Variants in MYOM2 observed in about 807,000 individuals in gnomAD.
MYOM2 encodes the protein myomesin 2.
MYOM2 carries 254 observed loss-of-function variants against 187.6 expected under a neutral mutation model. The observed-to-expected ratio is 1.35, with a 90% confidence interval of 1.22 to 1.50. The LOEUF is 1.50. Among genes scored for constraint, MYOM2 ranks in the 40% most tolerant of loss-of-function variants. The pLI, the probability that MYOM2 is intolerant of heterozygous loss-of-function variation, is 0.00. For synonymous variants in MYOM2, 981 were observed against 753.8 expected (o/e 1.30, Z -4.94); for missense variants, 2,796 against 1,924.0 (o/e 1.45, Z -8.48).
Position 2,094,104 on chromosome 8 carries a change from C to G in MYOM2, c.2125+13C>G. ...CAGGCCGCACTCAGTAAGTCACTCA[C>G]AGGCTGTTGTGTGCCGATTGCTCCC... On this transcript the variant is annotated intron_variant, in intron 17 of 36. Transcript: ENST00000262113. The G allele has an allele frequency of 6.2e-7, 1 of 1,613,944 alleles. No homozygotes were observed. Among genetic ancestry groups the G allele is most frequent in the Non-Finnish European group, 8.5e-7 (1 of 1,179,964 alleles).
At chr8:2,095,083 A>G (rs1328578215) in intron 17 of MYOM2, among the ~76,000 whole-genome samples, 1 of 152,154 alleles carries the variant, frequency 6.6e-6, no homozygotes, top group African/African-American at 2.4e-5. Context: ...CTTTGACTAA[A>G]TTTGCAACAT....
At chr8:2,069,587 T>G (rs540700594) in intron 8 of MYOM2, 90 bp downstream of exon 8, 1 of 458,122 alleles carries the variant, frequency 2.2e-6, no homozygotes, top group African/African-American at 2.1e-5. Flanking sequence ...GGGCCAAATC[T>G]TTTTTTTTTT....
At chr8:2,060,307 C>T (rs1422098075) in intron 6 of MYOM2, among the ~76,000 whole-genome samples, 1 of 152,092 alleles carries the variant, frequency 6.6e-6, no homozygotes, top group African/African-American at 2.4e-5. Context: ...CCATTAACGC[C>T]TCCTGAAAAC....
In MYOM2 at chr8:2,106,602, T is replaced by C. The variant is rs1326252973; in HGVS notation, c.2998+5T>C. 6.3e-7 allele frequency: 1 copy of C among 1,587,580 alleles called. No homozygotes were observed. The highest frequency in any genetic ancestry group is 2.3e-5 in the East Asian group (1 of 44,324). ...GTTTTGTTCTGGACCCAGAAGGTAATATTTATATGGCAGAACCTTGCCTGT... is the reference window on the plus strand; with the variant it reads ...GTTTTGTTCTGGACCCAGAAGGTAACATTTATATGGCAGAACCTTGCCTGT... On this transcript the variant is annotated splice_donor_5th_base_variant and intron_variant, in intron 23 of 36. Transcript: ENST00000262113.
At chr8:2,056,808 C>G (rs1818681241) in intron 3 of MYOM2, among the ~76,000 whole-genome samples, 1 of 152,168 alleles carries the variant, frequency 6.6e-6, no homozygotes, top group African/African-American at 2.4e-5. Flanking sequence ...AGTTTTGAGT[C>G]TCAGACCTGG....
chr8:2,140,609 A>T, intron 32 of MYOM2, 114 bp from the exon 33 acceptor site: 2 of 1,000,328 alleles, frequency 2.0e-6, no homozygotes, highest in African/African-American at 3.2e-5. Context: ...CTATTGTGAC[A>T]TTGGCATCAG....
At chr8:2,097,464 C>G (rs1796533659) in intron 18 of MYOM2, among the ~76,000 whole-genome samples, 1 of 152,066 alleles carries the variant, frequency 6.6e-6, no homozygotes, top group African/African-American at 2.4e-5. Flanking sequence ...TCCATTGCCT[C>G]CCAGTACTTA....
intron 1 of MYOM2, among the ~76,000 whole-genome samples, chr8:2,049,911 C>T (rs1280987557): frequency 6.6e-6 from 1 of 152,168 alleles, no homozygotes; most frequent in Admixed American, 6.5e-5. Flanking sequence ...ATTTCATCCA[C>T]ACTCTCGAAT....
chr8:2,134,538 G>A (rs1797998496), intron 32 of MYOM2, among the ~76,000 whole-genome samples: 1 of 152,234 alleles, frequency 6.6e-6, no homozygotes, highest in Non-Finnish European at 1.5e-5. Flanking sequence ...TTGAGGTTCA[G>A]CAGTGAATCT....
intron 3 of MYOM2, among the ~76,000 whole-genome samples, chr8:2,056,639 T>C (rs1542063): frequency 0.77 from 116,664 of 152,126 alleles, 45,169 homozygotes; most frequent in East Asian, 0.97. Context: ...TTAATTCAGT[T>C]TTAAAATCAC....
At chr8:2,061,192 G>C (rs529052240) in intron 6 of MYOM2, among the ~76,000 whole-genome samples, 1 of 151,748 alleles carries the variant, frequency 6.6e-6, no homozygotes, top group African/African-American at 2.4e-5. Context: ...GAGGGAGGGG[G>C]TCTCTGTCCC....
At chr8:2,085,671 G>GCC (rs1368995241) in intron 14 of MYOM2, among the ~76,000 whole-genome samples, 21 of 1,006 alleles carry the variant, frequency 0.021, 3 homozygotes, top group Admixed American at 0.034. Context: ...TCTCTGCGTG[G>GCC]CCCCACTGTC....
chr8:2,061,897 C>T (rs1292777309), intron 6 of MYOM2, among the ~76,000 whole-genome samples: 3 of 152,196 alleles, frequency 2.0e-5, no homozygotes, highest in South Asian at 2.1e-4. Flanking sequence ...GACAAGGATG[C>T]CGCCTTCCAG....
chr8:2,121,315 C>G (rs957473830), intron 28 of MYOM2, among the ~76,000 whole-genome samples: 4 of 152,078 alleles, frequency 2.6e-5, no homozygotes, highest in Non-Finnish European at 5.9e-5. Flanking sequence ...TCTGACCGTG[C>G]CATACAAGGT....
chr8:2,091,908 C>G (rs1796316187), intron 15 of MYOM2, among the ~76,000 whole-genome samples: 1 of 152,218 alleles, frequency 6.6e-6, no homozygotes, highest in African/African-American at 2.4e-5. Context: ...ATGACAGGAT[C>G]TGATGGTTAG....
intron 14 of MYOM2, among the ~76,000 whole-genome samples, chr8:2,087,412 A>C (rs929935559): frequency 6.6e-6 from 1 of 152,168 alleles, no homozygotes; most frequent in African/African-American, 2.4e-5. Flanking sequence ...AATGTATGCT[A>C]TCTGGGGGGT....
rs181973636 is a variant in MYOM2 at position 2,076,617 on chromosome 8, G to A, written c.1262+335G>A. The A allele has an allele frequency of 3.0e-4, 71 of 233,384 alleles. No individual in the cohort carries two copies. In the East Asian group the frequency reaches 5.6e-3, roughly 18 times the overall value. The allele number at this position is 233,384 out of a possible 1,614,324, so 14.5% of individuals were successfully genotyped here. A position where few individuals can be genotyped will look rare whatever the true frequency, so the allele number is the denominator to read the frequency against. ...TGAGGTCCGGGCTGTGCCCCGTACC[G>A]GACAGGGCCCTGGCTTTAGCAGAAT... On this transcript the variant is annotated intron_variant, in intron 11 of 36. Transcript: ENST00000262113.
chr8:2,129,251 G>A lies in MYOM2; in HGVS notation c.3800+19G>A, dbSNP rs570712263. ...GTCACAAGTAAGTATGACAGCAGCC[G>A]ATGGAGGCCATGCCATAGATGGGGC... On this transcript the variant is annotated intron_variant, in intron 32 of 36. Coordinates refer to ENST00000262113, the MANE Select transcript of MYOM2 (RefSeq NM_003970.4). The A allele has an allele frequency of 2.7e-4, 425 of 1,553,882 alleles. 3 individuals are homozygous for A. In the South Asian group the frequency reaches 4.0e-3, roughly 15 times the overall value.
intron 31 of MYOM2, among the ~76,000 whole-genome samples, chr8:2,125,498 T>G (rs1439453742): frequency 6.6e-6 from 1 of 152,170 alleles, no homozygotes; most frequent in Non-Finnish European, 1.5e-5. Context: ...TAACTATATA[T>G]TTTGAAATCA....
Sources: allele counts gnomAD v4.1 joint callset (sites outside exome capture counted in the v4.1 genomes callset), GRCh38; gene constraint gnomAD v4.1.1; transcripts MANE v1.5; gene names NCBI Gene and HGNC (gene_info 2026-07-23, HGNC 2026-07-21).